TEAD3: variants seen among roughly 807,000 people sequenced by gnomAD.
The protein encoded by TEAD3 is TEA domain transcription factor 3, also known as transcriptional enhancer factor TEF-5.
In TEAD3, 15 loss-of-function variants were observed where a neutral mutation model predicts 55.6. That is an observed-to-expected ratio of 0.27 (90% CI 0.18 to 0.42). TEAD3 has a LOEUF of 0.42. TEAD3 is among the 10% of genes least tolerant of loss of function. The probability of loss-of-function intolerance (pLI) is 1.00; values close to 1 mark genes in which losing one functional copy is unlikely to be tolerated. For synonymous variants in TEAD3, 210 were observed against 232.2 expected (o/e 0.90, Z 0.87); for missense variants, 407 against 576.8 (o/e 0.71, Z 3.01).
intron 7 of TEAD3, among the ~76,000 whole-genome samples, chr6:35,477,594 A>G: frequency 6.9e-6 from 1 of 145,474 alleles, no homozygotes. Context: ...TTAGTGTAGG[A>G]TTTCATTTCA....
rs371025879 is a variant in TEAD3 at position 35,491,263 on chromosome 6, G to T, written c.-49-4552C>A. ...CCACAGACTGACAGACAGAGCCGGT[G>T]GGGGGTGAAGGGAGAAGGGGAGAAG... On this transcript the variant is annotated intron_variant, in intron 1 of 12. Transcript: ENST00000639578. This position sits in a 1 kb window ranked among gnomAD's most constrained non-coding sequence, Gnocchi z 4.4. 6.6e-6 allele frequency among the ~76,000 whole-genome samples: 1 copy of T among 151,616 alleles called. No homozygotes were observed. Among genetic ancestry groups the T allele is most frequent in the Non-Finnish European group, 1.5e-5 (1 of 67,892 alleles).
chr6:35,473,659 G>A (rs1181078936), downstream of TEAD3: 6 of 145,954 alleles, frequency 4.1e-5, no homozygotes, highest in East Asian at 5.9e-4. Context: ...TTGAGCAGGA[G>A]CTGGGCCTTT....
intron 3 of TEAD3, among the ~76,000 whole-genome samples, chr6:35,481,066 CT>C (rs1197857266): frequency 1.3e-5 from 2 of 151,938 alleles, no homozygotes; most frequent in East Asian, 3.9e-4. Flanking sequence ...GCTCCCATAA[CT>C]TTTCCCCCCA....
intron 3 of TEAD3, 80 bp downstream of exon 4, chr6:35,480,232 A>C: frequency 6.4e-7 from 1 of 1,569,498 alleles, no homozygotes; most frequent in Non-Finnish European, 8.7e-7. Context: ...TGGCCAAGGA[A>C]AGGCCTGAGC....
chr6:35,479,365 G>A, intron 4 of TEAD3, 49 bp from the exon 5 acceptor site: 1 of 1,612,298 alleles, frequency 6.2e-7, no homozygotes, highest in Non-Finnish European at 8.5e-7. Context: ...GCAGCACCAG[G>A]GCTGTGGGCT....
At chr6:35,480,197 A>G in intron 3 of TEAD3, 115 bp downstream of exon 4, 1 of 1,554,432 alleles carries the variant, frequency 6.4e-7, no homozygotes, top group South Asian at 1.2e-5. Context: ...TCAGCCAGAA[A>G]AGAGGCACAG....
Position 35,496,742 on chromosome 6 carries a change from T to C in TEAD3, c.-50+156A>G, listed in dbSNP as rs1768672796. 6.6e-6 allele frequency among the ~76,000 whole-genome samples: 1 copy of C among 151,650 alleles called. No homozygotes were observed. Among genetic ancestry groups the C allele is most frequent in the African/African-American group, 2.4e-5 (1 of 41,274 alleles). On this transcript the variant is annotated intron_variant, in intron 1 of 12. Transcript: ENST00000639578. This position sits in a 1 kb window ranked among gnomAD's most constrained non-coding sequence, Gnocchi z 4.8. ...CCGGAGAGATTTTCCCCCTTCCCTC[T>C]AAACTTCCCGGCACCCCGATCCGGG...
chr6:35,479,410 C>G, intron 4 of TEAD3, 94 bp from the exon 5 acceptor site: 2 of 1,522,334 alleles, frequency 1.3e-6, no homozygotes, highest in Non-Finnish European at 1.8e-6. Flanking sequence ...CACCCAGTGC[C>G]CATGGGTTTT....
intron 1 of TEAD3, among the ~76,000 whole-genome samples, chr6:35,490,796 G>A (rs189079009): frequency 8.5e-4 from 130 of 152,314 alleles, no homozygotes; most frequent in Middle Eastern, 3.4e-3. Flanking sequence ...GGACAGGTGC[G>A]GGCTGGGCTG....
chr6:35,478,602 C>A, intron 5 of TEAD3, 31 bp from the exon 6 acceptor site: 1 of 1,561,262 alleles, frequency 6.4e-7, no homozygotes, highest in Non-Finnish European at 8.7e-7. Context: ...GAAGCCAGGG[C>A]CACGCTGGAT....
rs1462769785 is a variant in TEAD3, at chr6:35,488,826, C to T, written c.-49-2115G>A. On this transcript the variant is annotated intron_variant, in intron 1 of 12. Transcript: ENST00000639578. The surrounding 1 kb of genome is among the most constrained non-coding windows in gnomAD (Gnocchi z 4.2). ...GCAACCTCCACCTCCTGGGTTCAAG[C>T]GATTCTCCTGCCTCAGACTCCCATG... 6.6e-6 allele frequency among the ~76,000 whole-genome samples: 1 copy of T among 152,178 alleles called. No individual in the cohort carries two copies. The highest frequency in any genetic ancestry group is 2.1e-4 in the South Asian group (1 of 4,828).
At chr6:35,492,768 G>A (rs892818934) in intron 1 of TEAD3, among the ~76,000 whole-genome samples, 1 of 152,118 alleles carries the variant, frequency 6.6e-6, no homozygotes, top group African/African-American at 2.4e-5. Flanking sequence ...CTGTTGTCAC[G>A]CTCCTGCTCC....
At chr6:35,489,776 G>A (rs1768469408) in intron 1 of TEAD3, among the ~76,000 whole-genome samples, 1 of 152,178 alleles carries the variant, frequency 6.6e-6, no homozygotes, top group African/African-American at 2.4e-5. Flanking sequence ...GTGGGGGGTG[G>A]TGGCTCACGA....
At position 35,475,155 on chromosome 6, in the gene TEAD3, C is replaced by G; in HGVS notation, c.1197G>C (p.Val399=). The change falls in exon 13 of 13, where the codon GTG becomes GTC. Residue 399 remains valine, a splice_region_variant and synonymous_variant. Transcript: ENST00000639578. This position sits in a 1 kb window ranked among gnomAD's most constrained non-coding sequence, Gnocchi z 5.4. ...TCTCCTGGGAGTCCCGGCTCGTGAC[C>G]ACCTGGGGGGTGAGCAGGTAAGAGA... is the stretch of plus-strand genomic sequence containing the variant. The G allele has an allele frequency of 6.3e-7, 1 of 1,578,050 alleles. No individual in the cohort carries two copies. Among genetic ancestry groups the G allele is most frequent in the Non-Finnish European group, 8.6e-7 (1 of 1,161,598 alleles).
rs1768113064 is a variant in TEAD3 at position 35,475,029 on chromosome 6, G to T, written c.*15C>A. 2 of 1,542,372 alleles carry T rather than the reference G, an allele frequency of 1.3e-6. No individual in the cohort carries two copies. Among genetic ancestry groups the T allele is most frequent in the African/African-American group, 2.7e-5 (2 of 73,190 alleles). ...GATGCTCACCCTGCATCCTTAAGGA[G>T]GCGCAGAGGGCACCCTAGTCTTTGA... On this transcript the variant is annotated 3_prime_UTR_variant, in exon 13 of 13. Transcript: ENST00000639578. The surrounding 1 kb of genome is among the most constrained non-coding windows in gnomAD (Gnocchi z 5.4).
At chr6:35,479,178 A>C in intron 5 of TEAD3, 127 bp downstream of exon 5, 1 of 1,245,494 alleles carries the variant, frequency 8.0e-7, no homozygotes. Flanking sequence ...ACGCCCAGCC[A>C]TTTCGTTTTT....
chr6:35,482,683 G>A (rs148051885), intron 3 of TEAD3, among the ~76,000 whole-genome samples: 23 of 152,222 alleles, frequency 1.5e-4, no homozygotes, highest in African/African-American at 4.3e-4. Flanking sequence ...AGGCTGAGGC[G>A]GGAGGACTGC....
downstream of TEAD3, chr6:35,474,000 A>C (rs946357756): frequency 3.3e-5 from 5 of 152,310 alleles, no homozygotes; most frequent in African/African-American, 1.2e-4. Context: ...GGGAGCTGCT[A>C]CTCTAGGCAG....
chr6:35,475,089 A>G lies in TEAD3; in HGVS notation c.1263T>C (p.Ser421=), dbSNP rs1262807815. 5 of 1,598,636 alleles carry G rather than the reference A, an allele frequency of 3.1e-6. No homozygotes were observed. The Admixed American group carries it at 8.7e-5, about 28-fold the overall frequency. ...AGACATGGTGCTGGGCCCCGTGCTC[A>G]CTGGTGGAGACTTCGAAGACAAAAG... The change falls in exon 13 of 13, where the codon AGT becomes AGC. Residue 421 remains serine, a synonymous_variant. Transcript: ENST00000639578. The surrounding 1 kb of genome is among the most constrained non-coding windows in gnomAD (Gnocchi z 5.4).
Sources: gnomAD v4.1 joint callset for allele counts (sites outside exome capture counted in the v4.1 genomes callset) on GRCh38, gnomAD v4.1.1 for gene constraint, Gnocchi (gnomAD v3.1) non-coding constraint, MANE v1.5 for transcripts, NCBI Gene and HGNC (gene_info 2026-07-23, HGNC 2026-07-21) for gene names.